FAM53A: variants seen among roughly 807,000 people sequenced by gnomAD.
The protein encoded by FAM53A is family with sequence similarity 53 member A.
A neutral mutation model predicts 26.6 loss-of-function variants in FAM53A; 28 were observed. The observed-to-expected ratio is 1.05, with a 90% confidence interval of 0.78 to 1.45. The LOEUF is 1.45. FAM53A is among the 40% of genes most tolerant of loss of function. FAM53A has a pLI of 0.00. For synonymous variants in FAM53A, 290 were observed against 253.1 expected (o/e 1.15, Z -1.38); for missense variants, 650 against 575.8 (o/e 1.13, Z -1.32).
At chr4:1,614,033 GGC>G (rs1714717939), downstream of FAM53A, among the ~76,000 whole-genome samples, 1 of 152,320 alleles carries the variant, frequency 6.6e-6, no homozygotes, top group Admixed American at 6.5e-5. Context: ...GGTGCCAGCT[GGC>G]TGGTATGCTC....
chr4:1,649,123 AGGAAGG>A (rs1193453499), intron 4 of FAM53A, among the ~76,000 whole-genome samples: 26 of 111,754 alleles, frequency 2.3e-4, no homozygotes, highest in African/African-American at 7.6e-4. Context: ...GAAAGGGAAG[AGGAAGG>A]GGAAGGGGAA....
At chr4:1,583,345 C>G in the FAM53A span, among the ~76,000 whole-genome samples, 3 of 152,226 alleles carry the variant, frequency 2.0e-5, no homozygotes, top group African/African-American at 7.2e-5. Context: ...GCGGGACCAG[C>G]AGGAGGCAAG....
At chr4:1,643,686 C>A (rs1711965049) in intron 4 of FAM53A, among the ~76,000 whole-genome samples, 2 of 151,502 alleles carry the variant, frequency 1.3e-5, no homozygotes, top group African/African-American at 4.9e-5. Flanking sequence ...CCCACCTCAG[C>A]CTCTCAAGTG....
chr4:1,665,325 A>C (rs1369147298), intron 2 of FAM53A, among the ~76,000 whole-genome samples: 1 of 151,154 alleles, frequency 6.6e-6, no homozygotes, highest in Non-Finnish European at 1.5e-5. Context: ...CACTTTAAAA[A>C]AAAAAATTAA....
intron 1 of FAM53A, among the ~76,000 whole-genome samples, chr4:1,669,384 C>G (rs941383329): frequency 3.3e-5 from 5 of 152,266 alleles, no homozygotes; most frequent in Admixed American, 3.3e-4. Flanking sequence ...CTGCCAGGGT[C>G]TGCACCTGGC....
downstream of FAM53A, among the ~76,000 whole-genome samples, chr4:1,613,966 G>A (rs944534070): frequency 2.0e-5 from 3 of 152,180 alleles, no homozygotes; most frequent in East Asian, 1.9e-4. Flanking sequence ...ATACGAAAAC[G>A]TCAGAGAACC....
intron 1 of FAM53A, among the ~76,000 whole-genome samples, chr4:1,623,975 T>C (rs2108751549): frequency 6.6e-6 from 1 of 151,466 alleles, no homozygotes; most frequent in Admixed American, 6.6e-5. Context: ...GGGGCATACC[T>C]GAGGGCCCAG....
At chr4:1,684,707 G>T (rs1246140684), upstream of FAM53A, among the ~76,000 whole-genome samples, 1 of 151,484 alleles carries the variant, frequency 6.6e-6, no homozygotes, top group African/African-American at 2.4e-5. Flanking sequence ...CGGGGCGCGC[G>T]GTCTCGGGGC....
At chr4:1,634,559 A>T (rs146402642) in intron 1 of FAM53A, among the ~76,000 whole-genome samples, 1 of 152,308 alleles carries the variant, frequency 6.6e-6, no homozygotes, top group African/African-American at 2.4e-5. Flanking sequence ...GAATTATGAA[A>T]GGCTGGAATT....
rs1368947482 is a variant in FAM53A, at chr4:1,640,971, A to C, written c.*322T>G. 1 of 408,850 alleles carries C rather than the reference A, an allele frequency of 2.4e-6. No individual in the cohort carries two copies. Among genetic ancestry groups the C allele is most frequent in the Non-Finnish European group, 4.5e-6 (1 of 221,590 alleles). 25.3% of individuals were successfully genotyped at this position (408,850 alleles called of 1,614,324 possible). ...AGTGCAGGCGGCAGCCGTGGCCCCG[A>C]CCAGCTCACAGGAAACCTACTCTGT... On this transcript the variant is annotated 3_prime_UTR_variant, in exon 5 of 5. Transcript: ENST00000308132.
At chr4:1,621,400 G>A (rs542774079) in intron 1 of FAM53A, among the ~76,000 whole-genome samples, 67 of 152,212 alleles carry the variant, frequency 4.4e-4, no homozygotes, top group Admixed American at 2.2e-3. Flanking sequence ...CACCGCGCCC[G>A]GTCAGTCGGC....
At chr4:1,603,093 T>C in the FAM53A span, among the ~76,000 whole-genome samples, 1 of 152,104 alleles carries the variant, frequency 6.6e-6, no homozygotes, top group East Asian at 1.9e-4. Flanking sequence ...CCAAGCCCAG[T>C]GCGGCGGCTC....
the FAM53A span, among the ~76,000 whole-genome samples, chr4:1,595,082 G>A: frequency 1.3e-5 from 2 of 152,232 alleles, no homozygotes; most frequent in African/African-American, 2.4e-5. Flanking sequence ...GACCCAGCCA[G>A]TGCCAGCATG....
downstream of FAM53A, among the ~76,000 whole-genome samples, chr4:1,636,561 C>T (rs1288022986): frequency 2.6e-5 from 4 of 152,248 alleles, no homozygotes; most frequent in South Asian, 2.1e-4. Context: ...CCTGAGCCCA[C>T]GGCCTCGGGC....
chr4:1,627,899 G>A (rs1354522339), intron 1 of FAM53A, among the ~76,000 whole-genome samples: 1 of 151,702 alleles, frequency 6.6e-6, no homozygotes, highest in Non-Finnish European at 1.5e-5. Context: ...GACAGGCTCT[G>A]CTTGTGAGCT....
chr4:1,598,209 G>A, the FAM53A span, among the ~76,000 whole-genome samples: 1 of 152,150 alleles, frequency 6.6e-6, no homozygotes, highest in Admixed American at 6.5e-5. Flanking sequence ...AAGATTCTGG[G>A]AGAAAAACAG....
intron 4 of FAM53A, among the ~76,000 whole-genome samples, chr4:1,652,741 T>C (rs1712972340): frequency 9.1e-6 from 1 of 109,926 alleles, no homozygotes; most frequent in South Asian, 3.1e-4. Context: ...GACCACACAC[T>C]GCACACACAC....
At chr4:1,650,957 G>A (rs950732520) in intron 4 of FAM53A, among the ~76,000 whole-genome samples, 15 of 150,800 alleles carry the variant, frequency 9.9e-5, no homozygotes, top group Admixed American at 3.3e-4. Context: ...AGTGGCTCAC[G>A]CCTGTAATCC....
chr4:1,674,107 G>A (rs1714871062), intron 1 of FAM53A, among the ~76,000 whole-genome samples: 1 of 152,206 alleles, frequency 6.6e-6, no homozygotes, highest in Non-Finnish European at 1.5e-5. Context: ...CTGGAGGCCG[G>A]AAGTCCAAAA....
Sources: gnomAD v4.1 joint callset for allele counts (sites outside exome capture counted in the v4.1 genomes callset) on GRCh38, gnomAD v4.1.1 for gene constraint, MANE v1.5 for transcripts, NCBI Gene and HGNC (gene_info 2026-07-23, HGNC 2026-07-21) for gene names.